Variants in SLC4A4 observed in about 807,000 individuals in gnomAD.
SLC4A4 encodes solute carrier family 4 member 4.
In SLC4A4, 27 loss-of-function variants were observed where a neutral mutation model predicts 111.5. The ratio of observed to expected loss-of-function variants is 0.24; its 90% CI spans 0.18 to 0.33. The LOEUF is 0.33. Among genes scored for constraint, SLC4A4 ranks in the 10% least tolerant of loss-of-function variants. The pLI, the probability that SLC4A4 is intolerant of heterozygous loss-of-function variation, is 1.00. For missense variants in SLC4A4, 909 were observed against 1,315.5 expected, an observed-to-expected ratio of 0.69 and a Z score of 4.78; for synonymous variants, 443 against 463.4, an observed-to-expected ratio of 0.96 and a Z score of 0.57.
chr4:71,325,157 T>G (rs184276104), intron 3 of SLC4A4, among the ~76,000 whole-genome samples: 1 of 152,032 alleles, frequency 6.6e-6, no homozygotes, highest in East Asian at 1.9e-4. Context: ...GATGGTAATT[T>G]TCTGGATTGG....
chr4:71,425,799 G>A (rs1475876593), intron 7 of SLC4A4, among the ~76,000 whole-genome samples: 1 of 151,996 alleles, frequency 6.6e-6, no homozygotes, highest in African/African-American at 2.4e-5. Flanking sequence ...TCCATAGAAG[G>A]GAGTATCTGG....
intron 1 of SLC4A4, among the ~76,000 whole-genome samples, chr4:71,211,868 A>G (rs1476570365): frequency 1.3e-5 from 2 of 151,978 alleles, no homozygotes; most frequent in Non-Finnish European, 2.9e-5. Context: ...GGAGTTGTGC[A>G]AAAATGAACT....
chr4:71,257,100 C>G (rs1204482862), intron 3 of SLC4A4, among the ~76,000 whole-genome samples: 1 of 152,174 alleles, frequency 6.6e-6, no homozygotes, highest in Non-Finnish European at 1.5e-5. Context: ...CAGGAAGATG[C>G]TGAGACCGCA....
At chr4:71,407,950 T>C (rs562924931) in intron 7 of SLC4A4, among the ~76,000 whole-genome samples, 3 of 152,286 alleles carry the variant, frequency 2.0e-5, no homozygotes, top group East Asian at 1.9e-4. Flanking sequence ...CTGTTAAATA[T>C]TCATTCTCAC....
At chr4:71,150,755 G>C (rs945775839) in intron 2 of SLC4A4, among the ~76,000 whole-genome samples, 6 of 152,064 alleles carry the variant, frequency 3.9e-5, no homozygotes, top group African/African-American at 1.4e-4. Context: ...GGCAGCTTGC[G>C]GTCCTTAAGT....
intron 9 of SLC4A4, 58 bp from the exon 10 acceptor site, chr4:71,450,331 G>A: frequency 8.4e-7 from 1 of 1,185,198 alleles, no homozygotes; most frequent in South Asian, 1.2e-5. Context: ...GCTTGATATG[G>A]TGTGAAGCAT....
chr4:71,130,833 C>G (rs1743681618), intron 2 of SLC4A4, among the ~76,000 whole-genome samples: 1 of 152,142 alleles, frequency 6.6e-6, no homozygotes, highest in Admixed American at 6.6e-5. Flanking sequence ...GAATCAATAC[C>G]TTTTTAGGAA....
chr4:71,088,519 G>A (rs1742268362), intron 1 of SLC4A4, among the ~76,000 whole-genome samples: 1 of 151,958 alleles, frequency 6.6e-6, no homozygotes. Context: ...TTACAATTTG[G>A]CATGTTTTTG....
At chr4:71,246,239 A>G (rs1335120425) in intron 2 of SLC4A4, among the ~76,000 whole-genome samples, 1 of 152,214 alleles carries the variant, frequency 6.6e-6, no homozygotes, top group Non-Finnish European at 1.5e-5. Flanking sequence ...TTAGTTCAAT[A>G]GGCTAGAGGA....
At chr4:71,217,383 G>A (rs1269296266) in intron 1 of SLC4A4, among the ~76,000 whole-genome samples, 1 of 151,966 alleles carries the variant, frequency 6.6e-6, no homozygotes, top group African/African-American at 2.4e-5. Context: ...TGGCCAACAT[G>A]GTGAAACCCC....
intron 1 of SLC4A4, among the ~76,000 whole-genome samples, chr4:71,201,678 C>G (rs578228210): frequency 6.6e-6 from 1 of 152,302 alleles, no homozygotes; most frequent in East Asian, 1.9e-4. Context: ...AGCCCTACCT[C>G]TATTATAGTG....
At chr4:71,248,125 T>C (rs1246141536) in intron 2 of SLC4A4, among the ~76,000 whole-genome samples, 1 of 152,118 alleles carries the variant, frequency 6.6e-6, no homozygotes, top group East Asian at 1.9e-4. Context: ...AAGTTAAGAA[T>C]AGGTCTGAGG....
intron 6 of SLC4A4, among the ~76,000 whole-genome samples, chr4:71,387,358 G>A (rs1180218178): frequency 4.0e-5 from 6 of 151,896 alleles, no homozygotes; most frequent in Non-Finnish European, 8.8e-5. Flanking sequence ...CATTGGTGTG[G>A]CTTTATACTT....
intron 7 of SLC4A4, among the ~76,000 whole-genome samples, chr4:71,425,580 G>A (rs540757699): frequency 6.6e-6 from 1 of 152,240 alleles, no homozygotes; most frequent in Non-Finnish European, 1.5e-5. Context: ...TGCGCAAGGT[G>A]GTCGGCTACA....
At chr4:71,471,692 A>C (rs2149106841) in intron 13 of SLC4A4, among the ~76,000 whole-genome samples, 1 of 152,106 alleles carries the variant, frequency 6.6e-6, no homozygotes, top group East Asian at 1.9e-4. Flanking sequence ...CATAATTTTA[A>C]AGGGATCAGT....
At chr4:71,350,146 A>C in intron 5 of SLC4A4, 74 bp downstream of exon 5, 2 of 1,397,004 alleles carry the variant, frequency 1.4e-6, no homozygotes, top group Non-Finnish European at 1.0e-6. Flanking sequence ...AAGGCAGATG[A>C]CTAGTACTGT....
chr4:71,098,567 A>G (rs548454730), intron 2 of SLC4A4, among the ~76,000 whole-genome samples: 42 of 152,196 alleles, frequency 2.8e-4, no homozygotes, highest in African/African-American at 6.7e-4. Context: ...AGAAACTGGC[A>G]TAATAACCAG....
At chr4:71,371,793 A>G (rs923297077) in intron 6 of SLC4A4, among the ~76,000 whole-genome samples, 2 of 152,180 alleles carry the variant, frequency 1.3e-5, no homozygotes, top group Non-Finnish European at 2.9e-5. Flanking sequence ...TAGGGTCTGT[A>G]TCTCATGCTT....
chr4:71,218,059 C>A (rs1408394613), intron 1 of SLC4A4, among the ~76,000 whole-genome samples: 1 of 152,104 alleles, frequency 6.6e-6, no homozygotes, highest in Non-Finnish European at 1.5e-5. Context: ...ATAATTCTTT[C>A]TTTTTTAATA....
Sources: gnomAD v4.1 joint callset for allele counts (sites outside exome capture counted in the v4.1 genomes callset) on GRCh38, gnomAD v4.1.1 for gene constraint, MANE v1.5 for transcripts, NCBI Gene and HGNC (gene_info 2026-07-23, HGNC 2026-07-21) for gene names.